TBC1D4: variants seen among roughly 807,000 people sequenced by gnomAD.
TBC1D4 encodes TBC (Tre-2, BUB2, CDC16) domain-containing protein.
A neutral mutation model predicts 142.5 loss-of-function variants in TBC1D4; 121 were observed. That is an observed-to-expected ratio of 0.85 (90% CI 0.73 to 0.99). The LOEUF is 0.99. TBC1D4 is among the 50% of genes least tolerant of loss of function. The pLI, the probability that TBC1D4 is intolerant of heterozygous loss-of-function variation, is 0.00. For synonymous variants in TBC1D4, 630 were observed against 628.2 expected (o/e 1.00, Z -0.04); for missense variants, 1,475 against 1,606.6 (o/e 0.92, Z 1.40).
chr13:75,353,386 G>A (rs1330060120), intron 4 of TBC1D4, among the ~76,000 whole-genome samples: 2 of 152,192 alleles, frequency 1.3e-5, no homozygotes, highest in Non-Finnish European at 2.9e-5. Context: ...GAAGTTCAGA[G>A]TAATGCAGTC....
intron 11 of TBC1D4, among the ~76,000 whole-genome samples, chr13:75,320,400 G>T (rs1036127): frequency 0.33 from 49,592 of 151,762 alleles, 9,055 homozygotes; most frequent in Non-Finnish European, 0.42. Flanking sequence ...ACTGTAAAAA[G>T]TAACAAATAT....
At chr13:75,394,668 T>C (rs923114136) in intron 1 of TBC1D4, among the ~76,000 whole-genome samples, 1 of 152,214 alleles carries the variant, frequency 6.6e-6, no homozygotes, top group African/African-American at 2.4e-5. Flanking sequence ...TGCGAATCTT[T>C]AAAAAAATTA....
chr13:75,351,957 C>T (rs1409158306), intron 4 of TBC1D4, among the ~76,000 whole-genome samples: 1 of 152,192 alleles, frequency 6.6e-6, no homozygotes, highest in East Asian at 1.9e-4. Flanking sequence ...GCCCATTTAT[C>T]ACATTTTATC....
intron 1 of TBC1D4, among the ~76,000 whole-genome samples, chr13:75,449,481 T>C (rs1887438649): frequency 1.3e-5 from 2 of 152,048 alleles, no homozygotes; most frequent in South Asian, 2.1e-4. Context: ...GTATGCAATA[T>C]TTTTGGACCA....
chr13:75,409,493 T>C (rs948574406), intron 1 of TBC1D4, among the ~76,000 whole-genome samples: 2 of 152,324 alleles, frequency 1.3e-5, no homozygotes, highest in Non-Finnish European at 1.5e-5. Context: ...CCAATGTAGA[T>C]TTATTCACAT....
chr13:75,409,853 A>T (rs1593855081), intron 1 of TBC1D4, among the ~76,000 whole-genome samples: 2 of 152,310 alleles, frequency 1.3e-5, no homozygotes, highest in Admixed American at 6.5e-5. Flanking sequence ...TTAGGATGTT[A>T]AGATACTAGT....
chr13:75,437,523 T>C (rs1886848852), intron 1 of TBC1D4, among the ~76,000 whole-genome samples: 1 of 152,220 alleles, frequency 6.6e-6, no homozygotes, highest in African/African-American at 2.4e-5. Flanking sequence ...AAATATACTT[T>C]AGTTGTCCAC....
intron 19 of TBC1D4, among the ~76,000 whole-genome samples, chr13:75,289,391 T>G (rs1875038864): frequency 6.6e-6 from 1 of 152,050 alleles, no homozygotes; most frequent in African/African-American, 2.4e-5. Flanking sequence ...CTCATGAAGC[T>G]AAGTCCCTAG....
intron 1 of TBC1D4, among the ~76,000 whole-genome samples, chr13:75,400,185 C>T (rs1210263620): frequency 6.6e-6 from 1 of 152,158 alleles, no homozygotes; most frequent in East Asian, 1.9e-4. Flanking sequence ...AACCAAAACA[C>T]TTCATTTCTC....
chr13:75,450,796 T>C (rs1217533902), intron 1 of TBC1D4, among the ~76,000 whole-genome samples: 2 of 152,176 alleles, frequency 1.3e-5, no homozygotes, highest in East Asian at 3.8e-4. Flanking sequence ...TTTAATCACA[T>C]GGTTAGTCTT....
At chr13:75,440,571 T>C (rs1161901893) in intron 1 of TBC1D4, among the ~76,000 whole-genome samples, 1 of 151,798 alleles carries the variant, frequency 6.6e-6, no homozygotes. Context: ...AAAAAAATTA[T>C]AGAGATAGGG....
intron 1 of TBC1D4, among the ~76,000 whole-genome samples, chr13:75,382,023 C>T (rs1227239605): frequency 6.6e-6 from 1 of 152,164 alleles, no homozygotes; most frequent in Non-Finnish European, 1.5e-5. Context: ...GAGGCTGATT[C>T]AGTAAAAGGG....
rs530949841 is a variant in TBC1D4, at chr13:75,481,770, C to A, written c.-3G>T. ...TGAATGCAGCTGGGCGGCTCCATAACTCTCGCCTCACCAGGGCACCGCGGA... is the reference window on the plus strand; with the variant it reads ...TGAATGCAGCTGGGCGGCTCCATAAATCTCGCCTCACCAGGGCACCGCGGA... On this transcript the variant is annotated 5_prime_UTR_variant, in exon 1 of 21. Transcript: ENST00000377636. The A allele has an allele frequency of 1.3e-5, 20 of 1,563,896 alleles. No individual in the cohort carries two copies. The highest frequency in any genetic ancestry group is 1.5e-5 in the Non-Finnish European group (18 of 1,161,746).
At chr13:75,467,419 G>A (rs1021509288) in intron 1 of TBC1D4, among the ~76,000 whole-genome samples, 7 of 152,128 alleles carry the variant, frequency 4.6e-5, no homozygotes, top group Admixed American at 2.0e-4. Context: ...ACAGAGAAAC[G>A]CATACATAAA....
In TBC1D4 at chr13:75,304,482, T is replaced by G. The variant is rs1423563034; in HGVS notation, c.2752+1831A>C. On this transcript the variant is annotated intron_variant, in intron 15 of 20. Coordinates refer to ENST00000377636, the MANE Select transcript of TBC1D4 (RefSeq NM_014832.5). ...AGGTGCTAGGTGTGCAGTGGTGGGG[T>G]AAGAAAAACATTAAACAAATACACA... Among the ~76,000 whole-genome samples, 10 of 152,102 alleles carry G rather than the reference T, an allele frequency of 6.6e-5. No individual in the cohort carries two copies. The East Asian group carries it at 1.9e-3, about 29-fold the overall frequency.
At position 75,321,441 on chromosome 13, in the gene TBC1D4, G is replaced by GTATATA. The variant is rs57754032; in HGVS notation, c.2199-1410_2199-1405dup. Among the ~76,000 whole-genome samples, 779 of 151,334 alleles carry GTATATA rather than the reference G, an allele frequency of 5.1e-3. 7 individuals carry two copies. The highest frequency in any genetic ancestry group is 7.0e-3 in the Non-Finnish European group (471 of 67,742). On this transcript the variant is annotated intron_variant, in intron 11 of 20. Transcript: ENST00000377636. ...AGGAAATATAGCGGTGCATATATAT[G>GTATATA]TATATATATATGTAAATGGACCAAA...
chr13:75,295,971 T>C (rs1377115148), intron 17 of TBC1D4, among the ~76,000 whole-genome samples: 1 of 152,146 alleles, frequency 6.6e-6, no homozygotes, highest in Non-Finnish European at 1.5e-5. Context: ...TACATAAAAA[T>C]AACCAATTAT....
chr13:75,417,561 G>C (rs1160903172), intron 1 of TBC1D4, among the ~76,000 whole-genome samples: 1 of 152,156 alleles, frequency 6.6e-6, no homozygotes, highest in African/African-American at 2.4e-5. Flanking sequence ...AGGGGATCAG[G>C]ATAGGTTTAA....
intron 1 of TBC1D4, among the ~76,000 whole-genome samples, chr13:75,405,244 G>C (rs1422100663): frequency 1.3e-5 from 2 of 149,862 alleles, no homozygotes; most frequent in Non-Finnish European, 3.0e-5. Context: ...AGGTACGTCT[G>C]TGTGTATATA....
Sources: gnomAD v4.1 joint callset for allele counts (sites outside exome capture counted in the v4.1 genomes callset) on GRCh38, gnomAD v4.1.1 for gene constraint, MANE v1.5 for transcripts, NCBI Gene and HGNC (gene_info 2026-07-23, HGNC 2026-07-21) for gene names.